KLC2: variants seen among roughly 807,000 people sequenced by gnomAD.
KLC2 encodes the protein kinesin light chain 2.
In KLC2, 35 loss-of-function variants were observed where a neutral mutation model predicts 75.1. The observed-to-expected ratio is 0.47, with a 90% CI of 0.36 to 0.62. KLC2 has a LOEUF of 0.62. Ranked by LOEUF, KLC2 falls within the 20% of genes least tolerant of loss-of-function variation. The pLI, the probability that KLC2 is intolerant of heterozygous loss-of-function variation, is 0.00. For synonymous variants in KLC2, 314 were observed against 336.7 expected, an observed-to-expected ratio of 0.93 and a Z score of 0.74; for missense variants, 611 against 833.2, an observed-to-expected ratio of 0.73 and a Z score of 3.28.
At chr11:66,250,803 A>G in the KLC2 span, among the ~76,000 whole-genome samples, 1 of 152,212 alleles carries the variant, frequency 6.6e-6, no homozygotes, top group Non-Finnish European at 1.5e-5. Flanking sequence ...TGATGCCAAG[A>G]ACCACACAGG....
At chr11:66,254,317 T>C (rs926787365), upstream of KLC2, among the ~76,000 whole-genome samples, 4 of 151,894 alleles carry the variant, frequency 2.6e-5, no homozygotes, top group African/African-American at 9.7e-5. Context: ...ACAGAGACAC[T>C]GAAACAGCAC....
intron 4 of KLC2, 63 bp from the exon 5 acceptor site, chr11:66,262,751 G>C (rs1200684343): frequency 8.1e-7 from 1 of 1,235,792 alleles, no homozygotes; most frequent in Admixed American, 1.8e-5. Flanking sequence ...GGCACAGCTG[G>C]CATGTGCCAT....
the KLC2 span, among the ~76,000 whole-genome samples, chr11:66,247,840 G>C: frequency 6.6e-6 from 1 of 152,208 alleles, no homozygotes; most frequent in Non-Finnish European, 1.5e-5. Flanking sequence ...TCCAAATCCA[G>C]ATGTGCTACT....
rs201517210 is a variant in KLC2 at position 66,265,186 on chromosome 11, G to A, written c.1285G>A (p.Ala429Thr). The A allele has an allele frequency of 1.6e-4, 249 of 1,600,562 alleles. No homozygotes were observed. Among genetic ancestry groups the A allele is most frequent in the Non-Finnish European group, 1.9e-4 (223 of 1,171,518 alleles). The change falls in exon 11 of 16, where the codon GCC becomes ACC. Residue 429 changes from alanine (A) to threonine (T), a missense_variant. By Grantham distance (58) the Ala-to-Thr change is moderately conservative. Coordinates refer to ENST00000394067, the MANE Select transcript of KLC2 (RefSeq NM_001318734.2). ...EESKDKRRDS[A>T]PYGEYGSWYK... Reference sequence around the variant, plus strand: ...CCTCCAGGATAAGCGCCGGGACAGCGCCCCCTATGGGGAATACGGCAGCTG... The same window carrying A: ...CCTCCAGGATAAGCGCCGGGACAGCACCCCCTATGGGGAATACGGCAGCTG...
Position 66,265,024 on chromosome 11 carries a change from G to A in KLC2, c.1218G>A (p.Gly406=), listed in dbSNP as rs771744351. 6.2e-7 allele frequency: 1 copy of A among 1,613,278 alleles called. No individual in the cohort carries two copies. Among genetic ancestry groups the A allele is most frequent in the Non-Finnish European group, 8.5e-7 (1 of 1,179,490 alleles). The part of the protein sequence containing the change: ...AHEKEFGSVN[G]DNKPIWMHAE... ...TGACAGTCCCCTTTCTCTCCCCAGG[G>A]GACAACAAGCCCATCTGGATGCACG... Residue 406 remains glycine, a splice_region_variant and synonymous_variant, in exon 10 of 16, where the codon GGG becomes GGA. Transcript: ENST00000394067.
chr11:66,265,549 T>TTCCTCA, intron 11 of KLC2, 106 bp from the exon 12 acceptor site: 1 of 907,822 alleles, frequency 1.1e-6, no homozygotes, highest in Non-Finnish European at 1.7e-6. Context: ...GAATGGATTC[T>TTCCTCA]GGCTACCCCG....
chr11:66,253,610 G>A (rs1855980794), upstream of KLC2, among the ~76,000 whole-genome samples: 1 of 152,248 alleles, frequency 6.6e-6, no homozygotes, highest in Non-Finnish European at 1.5e-5. Flanking sequence ...AGCCTGGCAT[G>A]AGATCAGCAG....
At chr11:66,246,801 T>A in the KLC2 span, among the ~76,000 whole-genome samples, 7 of 152,208 alleles carry the variant, frequency 4.6e-5, no homozygotes, top group Non-Finnish European at 7.3e-5. Flanking sequence ...CCCAGTCCTA[T>A]CAGTAGCATT....
At chr11:66,256,377 G>A (rs1235580280), upstream of KLC2, among the ~76,000 whole-genome samples, 4 of 152,202 alleles carry the variant, frequency 2.6e-5, no homozygotes, top group Admixed American at 2.0e-4. Flanking sequence ...ATCACCTGAG[G>A]TCAGGAATTT....
chr11:66,250,893 A>G, the KLC2 span, among the ~76,000 whole-genome samples: 12 of 152,354 alleles, frequency 7.9e-5, no homozygotes, highest in African/African-American at 2.9e-4. Flanking sequence ...GGAACCTCGT[A>G]GCTGTTACTG....
At chr11:66,258,403 C>G in intron 1 of KLC2, 181 bp from the exon 2 acceptor site, 3 of 592,258 alleles carry the variant, frequency 5.1e-6, no homozygotes, top group Non-Finnish European at 6.0e-6. Flanking sequence ...GTCTCCCAGG[C>G]CTAGACAAGC....
intron 9 of KLC2, 117 bp from the exon 10 acceptor site, chr11:66,264,906 T>C: frequency 1.2e-6 from 1 of 867,070 alleles, no homozygotes; most frequent in Non-Finnish European, 1.9e-6. Flanking sequence ...TTACTCTTGT[T>C]CATGCATTCA....
At chr11:66,252,933 A>C (rs961920554), upstream of KLC2, among the ~76,000 whole-genome samples, 1 of 151,352 alleles carries the variant, frequency 6.6e-6, no homozygotes, top group African/African-American at 2.4e-5. Flanking sequence ...CCCCTCAGGA[A>C]GCTCAGGAAG....
At position 66,267,101 on chromosome 11, in the gene KLC2, G is replaced by C. The variant is rs1488058616; in HGVS notation, c.*145G>C. On this transcript the variant is annotated 3_prime_UTR_variant, in exon 16 of 16. Transcript: ENST00000394067. ...CAATCTCAGGGTAACCTTCTCCCTTGTCATCTCAGCCTGAGCCCTGGAGGC... is the reference window on the plus strand; with the variant it reads ...CAATCTCAGGGTAACCTTCTCCCTTCTCATCTCAGCCTGAGCCCTGGAGGC... 6.5e-7 allele frequency: 1 copy of C among 1,531,534 alleles called. No homozygotes were observed. Among genetic ancestry groups the C allele is most frequent in the Non-Finnish European group, 8.8e-7 (1 of 1,136,234 alleles). 94.9% of individuals were successfully genotyped at this position (1,531,534 alleles called of 1,614,324 possible).
At chr11:66,246,002 G>A in the KLC2 span, 1 of 152,362 alleles carries the variant, frequency 6.6e-6, no homozygotes, top group Non-Finnish European at 1.5e-5. Flanking sequence ...ACTGGCCTCA[G>A]TCTTGGGTTC....
rs370771964 is a variant in KLC2, at chr11:66,258,570, C to T, written c.-11-14C>T. 7 of 1,580,568 alleles carry T rather than the reference C, an allele frequency of 4.4e-6. No individual in the cohort carries two copies. In the African/African-American group the frequency reaches 9.4e-5, roughly 21 times the overall value. The stretch of plus-strand genomic sequence containing the variant: ...AGGCCCGGCGCCCGCCTGCCCGCAC[C>T]CTCGTCCTCACAGACGCCACAGCCA... On this transcript the variant is annotated splice_polypyrimidine_tract_variant and intron_variant, in intron 1 of 15. Transcript: ENST00000394067.
At chr11:66,254,797 CGCCTGTAGTCCCA>C (rs1855990624), upstream of KLC2, among the ~76,000 whole-genome samples, 1 of 151,350 alleles carries the variant, frequency 6.6e-6, no homozygotes. Context: ...TGGTGGCATG[CGCCTGTAGTCCCA>C]GCTACTTGGA....
At chr11:66,264,904 G>A (rs1856706638) in intron 9 of KLC2, 119 bp from the exon 10 acceptor site, 1 of 861,424 alleles carries the variant, frequency 1.2e-6, no homozygotes, top group East Asian at 2.4e-5. Context: ...TCTTACTCTT[G>A]TTCATGCATT....
upstream of KLC2, among the ~76,000 whole-genome samples, chr11:66,254,445 C>T (rs1442603487): frequency 3.9e-5 from 6 of 152,044 alleles, no homozygotes; most frequent in Non-Finnish European, 7.4e-5. Context: ...GTGGGATGAT[C>T]GCTTGATCCC....
Sources: gnomAD v4.1 joint callset for allele counts (sites outside exome capture counted in the v4.1 genomes callset) on GRCh38, gnomAD v4.1.1 for gene constraint, MANE v1.5 for transcripts, NCBI Gene and HGNC (gene_info 2026-07-23, HGNC 2026-07-21) for gene names.